The following C21orf58 variants were observed in gnomAD, a reference collection of about 807,000 sequenced individuals.
The protein encoded by C21orf58 is uncharacterized protein C21orf58.
C21orf58 carries 34 observed loss-of-function variants against 35.8 expected under a neutral mutation model. The ratio of observed to expected loss-of-function variants is 0.95; its 90% CI spans 0.72 to 1.26. C21orf58 has a LOEUF of 1.26. Among genes scored for constraint, C21orf58 ranks in the 50% most tolerant of loss-of-function variants. C21orf58 has a pLI of 0.00. For missense variants in C21orf58, 440 were observed against 414.3 expected, an observed-to-expected ratio of 1.06 and a Z score of -0.54; for synonymous variants, 191 against 175.8, an observed-to-expected ratio of 1.09 and a Z score of -0.68.
At position 46,302,010 on chromosome 21, in the gene C21orf58, C is replaced by T; in HGVS notation, c.958G>A (p.Gly320Ser). 1 of 1,531,418 alleles carries T rather than the reference C, an allele frequency of 6.5e-7. No homozygotes were observed. The allele number at this position is 1,531,418 out of a possible 1,614,324, so 94.9% of individuals were successfully genotyped here. Residue 320 changes from glycine to serine, a missense_variant, in exon 8 of 8, where the codon GGC becomes AGC. Physicochemically the swap from Gly to Ser is moderately conservative, Grantham distance 56. Transcript: ENST00000291691. ...LQPAPSLWTP[G>S]PP The stretch of plus-strand genomic sequence containing the variant: ...TCTGTGACTCACACTCAGGGTGGGC[C>T]AGGCGTCCACAGGCTGGGGGCGGGC...
In C21orf58 at chr21:46,322,796, A is replaced by G. The variant is rs2146154635; in HGVS notation, c.-58T>C. On this transcript the variant is annotated 5_prime_UTR_variant, in exon 1 of 8. Coordinates refer to ENST00000291691, the MANE Select transcript of C21orf58 (RefSeq NM_058180.5). ...TCTCAAAAAAAGAAAAAAAATTCTGAGCGAGATTCCAGGGCTTCCTGAGGG... is the reference window on the plus strand; with the variant it reads ...TCTCAAAAAAAGAAAAAAAATTCTGGGCGAGATTCCAGGGCTTCCTGAGGG... 2.5e-6 allele frequency: 3 copies of G among 1,223,236 alleles called. No homozygotes were observed. In the East Asian group the frequency reaches 9.0e-5, roughly 37 times the overall value. The allele number at this position is 1,223,236 out of a possible 1,614,324, so 75.8% of individuals were successfully genotyped here.
intron 6 of C21orf58, among the ~76,000 whole-genome samples, chr21:46,303,319 A>G (rs1341882116): frequency 6.6e-6 from 1 of 152,084 alleles, no homozygotes; most frequent in Non-Finnish European, 1.5e-5. Context: ...AGCCTGGGTA[A>G]CAGAGCAAGA....
intron 5 of C21orf58, among the ~76,000 whole-genome samples, chr21:46,314,041 C>T (rs565030172): frequency 2.0e-5 from 3 of 152,298 alleles, no homozygotes; most frequent in Admixed American, 2.0e-4. Flanking sequence ...GGCTGAACAG[C>T]TGTAGGAAGC....
Position 46,323,819 on chromosome 21 carries a change from T to C in C21orf58, c.-1081A>G, listed in dbSNP as rs2083259299. 5.9e-6 allele frequency: 2 copies of C among 338,636 alleles called. No individual in the cohort carries two copies. The highest frequency in any genetic ancestry group is 4.9e-5 in the South Asian group (2 of 41,048). The allele number at this position is 338,636 out of a possible 1,614,324, so 21.0% of individuals were successfully genotyped here. On this transcript the variant is annotated 5_prime_UTR_variant, in exon 1 of 8. Coordinates refer to ENST00000291691, the MANE Select transcript of C21orf58 (RefSeq NM_058180.5). ...CAGGGAGCCCGGCCCGCTGTCCTGGTGGACACAAAGCCCAGGGGCCGCCCG... is the reference window on the plus strand; with the variant it reads ...CAGGGAGCCCGGCCCGCTGTCCTGGCGGACACAAAGCCCAGGGGCCGCCCG...
intron 1 of C21orf58, chr21:46,318,816 A>G: frequency 1.0e-6 from 1 of 987,436 alleles, no homozygotes; most frequent in Non-Finnish European, 1.2e-6. Flanking sequence ...CAGGGAGTCA[A>G]GTTTGCAGGA....
chr21:46,314,780 C>A lies in C21orf58; in HGVS notation c.545G>T (p.Gly182Val). The A allele has an allele frequency of 6.6e-7, 1 of 1,526,452 alleles. No homozygotes were observed. The highest frequency in any genetic ancestry group is 8.8e-7 in the Non-Finnish European group (1 of 1,131,216). The allele number at this position is 1,526,452 out of a possible 1,614,324, so 94.6% of individuals were successfully genotyped here. Residue 182 changes from glycine (G) to valine (V), a missense_variant, in exon 5 of 8, where the codon GGC (glycine) becomes GTC (valine). By Grantham distance (109) the Gly-to-Val change is moderately radical. Transcript: ENST00000291691. The stretch of plus-strand genomic sequence containing the variant: ...GGATGGGGAGGCAGTGGGTAGGATG[C>A]CCGTGGGGGGCAGCTCTGGGGGCAG... Reference protein sequence around the residue: ...SALPPELPPTGILPTASPSPL... With the variant: ...SALPPELPPTVILPTASPSPL...
intron 3 of C21orf58, among the ~76,000 whole-genome samples, chr21:46,316,381 C>CA (rs898305829): frequency 2.6e-5 from 4 of 152,070 alleles, no homozygotes; most frequent in Non-Finnish European, 4.4e-5. Context: ...GTTTGAACCT[C>CA]AGAGGCGGAG....
intron 4 of C21orf58, chr21:46,315,111 C>T (rs918832106): frequency 8.0e-7 from 1 of 1,253,214 alleles, no homozygotes; most frequent in Non-Finnish European, 1.1e-6. Context: ...GCCCCAGGGT[C>T]TGTTCTCTCT....
chr21:46,310,803 C>T (rs1033246941), intron 6 of C21orf58, among the ~76,000 whole-genome samples: 3 of 148,470 alleles, frequency 2.0e-5, no homozygotes, highest in Non-Finnish European at 4.5e-5. Context: ...AAGTAAGACA[C>T]TCTCTCTCTC....
In C21orf58 at chr21:46,307,594, G is replaced by A. The variant is rs115742380; in HGVS notation, c.721+3862C>T. Reference sequence around the variant, plus strand: ...AGCTATGCTCTCTGCCACTCCAGGGGCTCCTCATATGGATCACAATAGGAA... The same window carrying A: ...AGCTATGCTCTCTGCCACTCCAGGGACTCCTCATATGGATCACAATAGGAA... On this transcript the variant is annotated intron_variant, in intron 6 of 7. Transcript: ENST00000291691. 6.9e-3 allele frequency among the ~76,000 whole-genome samples: 1,058 copies of A among 152,260 alleles called. 13 individuals are homozygous for A. The highest frequency in any genetic ancestry group is 0.024 in the African/African-American group (1,014 of 41,542).
intron 1 of C21orf58, among the ~76,000 whole-genome samples, chr21:46,319,381 A>G (rs1290859021): frequency 1.3e-5 from 2 of 152,178 alleles, no homozygotes; most frequent in Non-Finnish European, 2.9e-5. Flanking sequence ...CTAGGGTCAC[A>G]TGACCTGCCT....
chr21:46,322,645 G>A lies in C21orf58; in HGVS notation c.94C>T (p.Leu32=). 1 of 1,581,608 alleles carries A rather than the reference G, an allele frequency of 6.3e-7. No individual in the cohort carries two copies. Among genetic ancestry groups the A allele is most frequent in the Non-Finnish European group, 8.6e-7 (1 of 1,163,402 alleles). The change falls in exon 1 of 8, where the codon CTG becomes TTG. Residue 32 remains leucine (L), a synonymous_variant. Coordinates refer to ENST00000291691, the MANE Select transcript of C21orf58 (RefSeq NM_058180.5). The stretch of plus-strand genomic sequence containing the variant: ...CGCTGGACACCCCGCTCACCACACA[G>A]AAGACTGTGGCCTGAGTCAGGAGAA... ...LPSPDSGHSL[L]CGWSPGGKAR...
chr21:46,306,174 T>C (rs906428664), intron 6 of C21orf58, among the ~76,000 whole-genome samples: 4 of 151,902 alleles, frequency 2.6e-5, no homozygotes, highest in East Asian at 1.9e-4. Context: ...ATAAAATGAC[T>C]GTCAATCTAG....
intron 1 of C21orf58, chr21:46,320,776 C>T (rs779450812): frequency 6.6e-6 from 1 of 152,194 alleles, no homozygotes; most frequent in Non-Finnish European, 1.5e-5. Context: ...TGCTTCCTTG[C>T]CAGATTCTCC....
chr21:46,315,574 C>G (rs971229178), intron 3 of C21orf58, 27 bp from the exon 4 acceptor site: 2 of 1,515,988 alleles, frequency 1.3e-6, no homozygotes, highest in African/African-American at 2.7e-5. Context: ...GCTTGCTTAC[C>G]AAGGAACGCG....
intron 1 of C21orf58, chr21:46,318,824 G>A (rs1189786546): frequency 1.0e-6 from 1 of 987,448 alleles, no homozygotes; most frequent in East Asian, 1.1e-4. Flanking sequence ...CAAGTTTGCA[G>A]GAAGCTTCGC....
At position 46,322,700 on chromosome 21, in the gene C21orf58, C is replaced by T. The variant is rs1313519278; in HGVS notation, c.39G>A (p.Lys13=). Residue 13 remains lysine, a synonymous_variant, in exon 1 of 8, where the codon AAG becomes AAA. Coordinates refer to ENST00000291691, the MANE Select transcript of C21orf58 (RefSeq NM_058180.5). ...GTTTCTGGCGGTCGAGCTTCCACGGCTTCCTGAGGGAGGTTGCAGGGAGCC... is the reference window on the plus strand; with the variant it reads ...GTTTCTGGCGGTCGAGCTTCCACGGTTTCCTGAGGGAGGTTGCAGGGAGCC... The part of the protein sequence containing the change: ...RSRLPATSLR[K]PWKLDRQKLP... 1 of 1,577,866 alleles carries T rather than the reference C, an allele frequency of 6.3e-7. No individual in the cohort carries two copies. Among genetic ancestry groups the T allele is most frequent in the Non-Finnish European group, 8.6e-7 (1 of 1,161,148 alleles).
Position 46,301,160 on chromosome 21 carries a change from G to C in C21orf58, c.*839C>G. The C allele has an allele frequency of 7.6e-6, 2 of 264,600 alleles. No homozygotes were observed. The highest frequency in any genetic ancestry group is 1.1e-5 in the Non-Finnish European group (2 of 189,898). The allele number at this position is 264,600 out of a possible 1,614,324, so 16.4% of individuals were successfully genotyped here. A position where few individuals can be genotyped will look rare whatever the true frequency, so the allele number is the denominator to read the frequency against. On this transcript the variant is annotated 3_prime_UTR_variant, in exon 8 of 8. Transcript: ENST00000291691. The stretch of plus-strand genomic sequence containing the variant: ...TCTTTCACTTTTTTATTTTATTTTT[G>C]AGACAGGGGCCTGCTCTGTGGTCCA...
chr21:46,322,968 G>T lies in C21orf58; in HGVS notation c.-230C>A, dbSNP rs1422884764. Reference sequence around the variant, plus strand: ...GAACCTTTTGCAAGTGAAGGCGCACGAACAGGCCCGGAGGACTACAAAGAA... The same window carrying T: ...GAACCTTTTGCAAGTGAAGGCGCACTAACAGGCCCGGAGGACTACAAAGAA... On this transcript the variant is annotated 5_prime_UTR_variant, in exon 1 of 8. Coordinates refer to ENST00000291691, the MANE Select transcript of C21orf58 (RefSeq NM_058180.5). 1 of 281,468 alleles carries T rather than the reference G, an allele frequency of 3.6e-6. No homozygotes were observed. Among genetic ancestry groups the T allele is most frequent in the East Asian group, 4.5e-5 (1 of 22,176 alleles). The allele number at this position is 281,468 out of a possible 1,614,324, so 17.4% of individuals were successfully genotyped here.
Sources: gnomAD v4.1 joint callset for allele counts (sites outside exome capture counted in the v4.1 genomes callset) on GRCh38, gnomAD v4.1.1 for gene constraint, MANE v1.5 for transcripts, NCBI Gene and HGNC (gene_info 2026-07-23, HGNC 2026-07-21) for gene names.